Variants in MAGI2 observed in about 807,000 individuals in gnomAD.
The protein encoded by MAGI2 is membrane-associated guanylate kinase, WW and PDZ domain-containing protein 2.
A neutral mutation model predicts 133.3 loss-of-function variants in MAGI2; 35 were observed. The observed-to-expected ratio is 0.26, with a 90% CI of 0.20 to 0.35. The LOEUF is 0.35. Ranked by LOEUF, MAGI2 falls within the 10% of genes least tolerant of loss-of-function variation. The pLI is 1.00. For synonymous variants in MAGI2, 729 were observed against 710.6 expected (o/e 1.03, Z -0.41); for missense variants, 1,636 against 1,863.4 (o/e 0.88, Z 2.25).
At chr7:78,534,473 ATGTG>A (rs1311503953) in intron 3 of MAGI2, among the ~76,000 whole-genome samples, 1 of 152,164 alleles carries the variant, frequency 6.6e-6, no homozygotes, top group Non-Finnish European at 1.5e-5. Flanking sequence ...TTGTATATAT[ATGTG>A]TGTGTGCGTG....
At chr7:78,677,774 C>A (rs1246115587) in intron 2 of MAGI2, among the ~76,000 whole-genome samples, 1 of 152,122 alleles carries the variant, frequency 6.6e-6, no homozygotes, top group African/African-American at 2.4e-5. Context: ...TGAGAAACAA[C>A]ATGGCGTCCA....
chr7:78,555,379 C>A (rs1195061018), intron 3 of MAGI2, among the ~76,000 whole-genome samples: 2 of 151,858 alleles, frequency 1.3e-5, no homozygotes, highest in South Asian at 2.1e-4. Context: ...AAGTACATAT[C>A]AAATTTAGTT....
chr7:79,181,598 G>C (rs991833983), intron 1 of MAGI2, among the ~76,000 whole-genome samples: 2 of 151,912 alleles, frequency 1.3e-5, no homozygotes, highest in African/African-American at 4.8e-5. Flanking sequence ...CTCTGACATG[G>C]CCTGGAGACA....
chr7:78,044,678 C>CCT (rs71515384), intron 21 of MAGI2, among the ~76,000 whole-genome samples: 48 of 126,476 alleles, frequency 3.8e-4, no homozygotes, highest in African/African-American at 1.6e-3. Flanking sequence ...GCTAATGTAC[C>CCT]GTGTGTGTGT....
intron 2 of MAGI2, among the ~76,000 whole-genome samples, chr7:78,791,707 G>T (rs917454366): frequency 6.6e-6 from 1 of 151,838 alleles, no homozygotes; most frequent in Non-Finnish European, 1.5e-5. Flanking sequence ...ACGCCACCAC[G>T]CCTGGCTAAT....
intron 3 of MAGI2, among the ~76,000 whole-genome samples, chr7:78,608,899 T>A (rs555512941): frequency 6.6e-6 from 1 of 152,290 alleles, no homozygotes; most frequent in South Asian, 2.1e-4. Flanking sequence ...TATATCTATC[T>A]ACATATGGGA....
rs114834287 is a variant in MAGI2, at chr7:78,805,611, C to T, written c.419-178372G>A. Among the ~76,000 whole-genome samples, 449 of 152,262 alleles carry T rather than the reference C, an allele frequency of 2.9e-3. 2 individuals carry two copies. The highest frequency in any genetic ancestry group is 0.01 in the African/African-American group (425 of 41,554). ...CTAGTATTCACGCCCTTGTATAGTT[C>T]ATTTGCACACTGCATATAGCTGACC... On this transcript the variant is annotated intron_variant, in intron 2 of 21. Transcript: ENST00000354212.
At chr7:78,682,409 C>T (rs985422253) in intron 2 of MAGI2, among the ~76,000 whole-genome samples, 17 of 152,128 alleles carry the variant, frequency 1.1e-4, no homozygotes, top group African/African-American at 2.4e-4. Flanking sequence ...GTGTGTGATG[C>T]TCCCCTCCCT....
chr7:78,306,612 A>T (rs1798262069), intron 9 of MAGI2, among the ~76,000 whole-genome samples: 1 of 152,176 alleles, frequency 6.6e-6, no homozygotes. Context: ...CCAGGACATA[A>T]AATTATGGTT....
At chr7:78,160,337 T>C in intron 15 of MAGI2, 64 bp from the exon 16 acceptor site, 1 of 1,489,878 alleles carries the variant, frequency 6.7e-7, no homozygotes, top group Non-Finnish European at 9.0e-7. Context: ...ATGCTTCCTA[T>C]GTACTAGGCA....
At chr7:78,719,730 C>T (rs1044582646) in intron 2 of MAGI2, among the ~76,000 whole-genome samples, 2 of 152,148 alleles carry the variant, frequency 1.3e-5, no homozygotes, top group South Asian at 4.1e-4. Flanking sequence ...ATATGAGGGG[C>T]CTGGCTGCAG....
At position 78,062,699 on chromosome 7, in the gene MAGI2, A is replaced by G. The variant is rs944562200; in HGVS notation, c.3706+16248T>C. Among the ~76,000 whole-genome samples, 15 of 152,158 alleles carry G rather than the reference A, an allele frequency of 9.9e-5. 1 individual carries two copies. The highest frequency in any genetic ancestry group is 1.5e-5 in the Non-Finnish European group (1 of 68,020). ...GAGCTCAGCCCCACTTATGGCTCCA[A>G]GTCCTTTCCAGGACTCCCCAAATGC... On this transcript the variant is annotated intron_variant, in intron 21 of 21. Transcript: ENST00000354212.
intron 2 of MAGI2, among the ~76,000 whole-genome samples, chr7:78,690,756 G>T (rs1816869404): frequency 6.6e-6 from 1 of 152,182 alleles, no homozygotes; most frequent in South Asian, 2.1e-4. Context: ...GAAAGTGGGA[G>T]AGAGGATGAA....
intron 1 of MAGI2, among the ~76,000 whole-genome samples, chr7:79,131,529 G>T (rs2129545381): frequency 6.6e-6 from 1 of 152,292 alleles, no homozygotes; most frequent in East Asian, 1.9e-4. Flanking sequence ...TTCTGATAAA[G>T]TTAAATGTTG....
At chr7:78,511,382 T>A (rs945318015) in intron 4 of MAGI2, among the ~76,000 whole-genome samples, 1 of 152,012 alleles carries the variant, frequency 6.6e-6, no homozygotes, top group Admixed American at 6.6e-5. Flanking sequence ...CACAGTCAGT[T>A]CATCAAGAAG....
chr7:78,485,659 G>A (rs538902948), intron 6 of MAGI2: 1 of 151,962 alleles, frequency 6.6e-6, no homozygotes, highest in South Asian at 2.1e-4. Context: ...ACTCATTTAT[G>A]TAAACAGATC....
chr7:78,351,367 C>G (rs952928058), intron 7 of MAGI2, among the ~76,000 whole-genome samples: 1 of 151,876 alleles, frequency 6.6e-6, no homozygotes, highest in Admixed American at 6.6e-5. Flanking sequence ...ATTAGCCAGG[C>G]ATGGTGGCAC....
At chr7:78,639,499 T>C (rs1810047681) in intron 2 of MAGI2, among the ~76,000 whole-genome samples, 1 of 152,300 alleles carries the variant, frequency 6.6e-6, no homozygotes, top group African/African-American at 2.4e-5. Context: ...AGTTGAAGAA[T>C]ACCCTGTGCA....
At chr7:78,072,822 C>A in intron 21 of MAGI2, 1 of 397,678 alleles carries the variant, frequency 2.5e-6, no homozygotes, top group Non-Finnish European at 4.4e-6. Context: ...AGTATGCCAC[C>A]ACGCTTGGCT....
Sources: gnomAD v4.1 joint callset for allele counts (sites outside exome capture counted in the v4.1 genomes callset) on GRCh38, gnomAD v4.1.1 for gene constraint, MANE v1.5 for transcripts, NCBI Gene and HGNC (gene_info 2026-07-23, HGNC 2026-07-21) for gene names.